Variants in EXOC2 observed in about 807,000 individuals in gnomAD.
EXOC2 encodes exocyst complex component 2, also known as SEC5-like 1.
A neutral mutation model predicts 131.8 loss-of-function variants in EXOC2; 70 were observed. The observed-to-expected ratio is 0.53, with a 90% confidence interval of 0.44 to 0.65. The LOEUF (loss-of-function observed/expected upper bound fraction) is 0.65, where lower values mean the gene tolerates loss of function less well. Among genes scored for constraint, EXOC2 ranks in the 30% least tolerant of loss-of-function variants. The pLI is 0.00. For synonymous variants in EXOC2, 411 were observed against 398.4 expected (o/e 1.03, Z -0.38); for missense variants, 923 against 1,108.6 (o/e 0.83, Z 2.38).
intron 27 of EXOC2, among the ~76,000 whole-genome samples, chr6:488,435 A>G (rs1011418361): frequency 1.4e-4 from 22 of 152,184 alleles, no homozygotes; most frequent in Admixed American, 6.5e-5. Flanking sequence ...ATGAGTAGTA[A>G]AGTTTAAATT....
intron 7 of EXOC2, among the ~76,000 whole-genome samples, chr6:606,686 C>T (rs112092458): frequency 0.012 from 1,786 of 152,290 alleles, 38 homozygotes; most frequent in African/African-American, 0.04. Flanking sequence ...CTGAGCATTG[C>T]TTCCTTTGGG....
intron 7 of EXOC2, among the ~76,000 whole-genome samples, chr6:604,218 C>T (rs1171738544): frequency 6.6e-6 from 1 of 152,178 alleles, no homozygotes; most frequent in Non-Finnish European, 1.5e-5. Context: ...TCCTTATGCG[C>T]CAAACGTGCT....
chr6:674,173 T>A (rs917809569), intron 1 of EXOC2, among the ~76,000 whole-genome samples: 4 of 152,172 alleles, frequency 2.6e-5, no homozygotes, highest in African/African-American at 9.7e-5. Flanking sequence ...TTAGCCAAAT[T>A]TGAATCATTA....
intron 25 of EXOC2, among the ~76,000 whole-genome samples, chr6:495,381 C>G (rs1306176975): frequency 6.6e-6 from 1 of 152,116 alleles, no homozygotes; most frequent in Non-Finnish European, 1.5e-5. Flanking sequence ...GCCTCGGCCT[C>G]CCAAAGTGCT....
intron 1 of EXOC2, among the ~76,000 whole-genome samples, chr6:674,673 A>G (rs1764027523): frequency 6.6e-6 from 1 of 152,004 alleles, no homozygotes; most frequent in Non-Finnish European, 1.5e-5. Flanking sequence ...ACTAAATCCT[A>G]AAGCTGTGGT....
At chr6:578,644 G>GT (rs1561881171) in intron 11 of EXOC2, among the ~76,000 whole-genome samples, 1 of 152,104 alleles carries the variant, frequency 6.6e-6, no homozygotes, top group African/African-American at 2.4e-5. Context: ...TGCAACAGAA[G>GT]TTTTTTTGAA....
chr6:682,199 CT>C (rs10654916), intron 1 of EXOC2, among the ~76,000 whole-genome samples: 1,425 of 129,584 alleles, frequency 0.011, 7 homozygotes, highest in African/African-American at 0.034. Flanking sequence ...TTCCCAGTTT[CT>C]TTTTTTTTTT....
At chr6:564,504 A>T in intron 15 of EXOC2, 41 bp downstream of exon 15, 1 of 1,607,384 alleles carries the variant, frequency 6.2e-7, no homozygotes, top group Non-Finnish European at 8.5e-7. Flanking sequence ...AGTTAAAAAA[A>T]ACAGAAGTAC....
At chr6:605,603 A>G (rs1274561229) in intron 7 of EXOC2, among the ~76,000 whole-genome samples, 1 of 151,484 alleles carries the variant, frequency 6.6e-6, no homozygotes, top group African/African-American at 2.4e-5. Context: ...TTTCTTCTTT[A>G]TTAGTCTTGC....
intron 17 of EXOC2, among the ~76,000 whole-genome samples, chr6:559,404 G>A (rs1029151932): frequency 3.9e-5 from 6 of 152,166 alleles, no homozygotes; most frequent in African/African-American, 1.4e-4. Flanking sequence ...TTTCTCTTAA[G>A]AGGTCCACGC....
intron 23 of EXOC2, chr6:524,418 C>T (rs1765636776): frequency 6.6e-6 from 1 of 152,002 alleles, no homozygotes; most frequent in African/African-American, 2.4e-5. Context: ...AAAAGAAGCC[C>T]TACTTAGTCA....
intron 7 of EXOC2, among the ~76,000 whole-genome samples, chr6:604,450 C>G (rs965975537): frequency 6.6e-6 from 1 of 152,242 alleles, no homozygotes; most frequent in African/African-American, 2.4e-5. Flanking sequence ...CTGCTCTCCT[C>G]TTGCCTCTGG....
intron 1 of EXOC2, chr6:656,048 G>T: frequency 8.0e-7 from 1 of 1,244,254 alleles, no homozygotes; most frequent in Non-Finnish European, 1.1e-6. Flanking sequence ...TTAACTCAGG[G>T]TCTGTTTTAG....
chr6:656,503 G>A (rs747627386), intron 1 of EXOC2: 3 of 1,606,102 alleles, frequency 1.9e-6, no homozygotes, highest in Admixed American at 1.7e-5. Context: ...CGCAGGCTGG[G>A]CGGCAGGCAG....
chr6:512,328 C>T (rs903940009), intron 23 of EXOC2, among the ~76,000 whole-genome samples: 1 of 152,264 alleles, frequency 6.6e-6, no homozygotes, highest in Non-Finnish European at 1.5e-5. Context: ...CGATCCTCCT[C>T]TTCCTCCTCA....
chr6:486,860 G>A, intron 27 of EXOC2, 96 bp from the exon 28 acceptor site: 2 of 896,106 alleles, frequency 2.2e-6, no homozygotes, highest in Non-Finnish European at 3.6e-6. Context: ...CTCTGCCTGG[G>A]CTTGCTGTGT....
chr6:598,148 A>G (rs776472660), intron 9 of EXOC2, 25 bp from the exon 10 acceptor site: 1 of 1,542,704 alleles, frequency 6.5e-7, no homozygotes, highest in Non-Finnish European at 8.9e-7. Flanking sequence ...AAGAATACAC[A>G]AGATTTACAG....
intron 23 of EXOC2, among the ~76,000 whole-genome samples, chr6:516,200 T>C (rs1765157854): frequency 6.6e-6 from 1 of 152,224 alleles, no homozygotes; most frequent in Admixed American, 6.5e-5. Flanking sequence ...GCAAAGATAC[T>C]AATCAAGTGG....
In EXOC2 at chr6:564,144, C is replaced by T. The variant is rs766403118; in HGVS notation, c.1678G>A (p.Glu560Lys). Reference sequence around the variant, plus strand: ...GGAATTTCAAGGGCAGTCAACGATTCATGAGTAAGTCTGCGAACAAACACA... The same window carrying T: ...GGAATTTCAAGGGCAGTCAACGATTTATGAGTAAGTCTGCGAACAAACACA... ...HAIQTVRLTH[E>K]SLTALEIPND... is the part of the protein sequence containing the mutation. Residue 560 changes from glutamate to lysine, a missense_variant, in exon 16 of 28, where the codon GAA becomes AAA. Glu to Lys is a moderately conservative substitution (Grantham distance 56). Transcript: ENST00000230449. 2 of 1,613,738 alleles carry T rather than the reference C, an allele frequency of 1.2e-6. No individual in the cohort carries two copies. Among genetic ancestry groups the T allele is most frequent in the East Asian group, 2.2e-5 (1 of 44,890 alleles).
Sources: gnomAD v4.1 joint callset for allele counts (sites outside exome capture counted in the v4.1 genomes callset) on GRCh38, gnomAD v4.1.1 for gene constraint, MANE v1.5 for transcripts, NCBI Gene and HGNC (gene_info 2026-07-23, HGNC 2026-07-21) for gene names.